HORMAD2: variants seen among roughly 807,000 people sequenced by gnomAD.
HORMAD2 encodes the protein HORMA domain-containing protein 2.
In HORMAD2, 45 loss-of-function variants were observed where a neutral mutation model predicts 38.8. The ratio of observed to expected loss-of-function variants is 1.16; its 90% confidence interval spans 0.91 to 1.49. The LOEUF (loss-of-function observed/expected upper bound fraction) is 1.49, where lower values mean the gene tolerates loss of function less well. HORMAD2 is among the 40% of genes most tolerant of loss of function. HORMAD2 has a pLI of 0.00. For missense variants in HORMAD2, 338 were observed against 367.0 expected (o/e 0.92, Z 0.65); for synonymous variants, 126 against 122.8 (o/e 1.03, Z -0.17).
Position 30,122,171 on chromosome 22 carries a change from A to G in HORMAD2, c.776A>G (p.His259Arg), listed in dbSNP as rs1264631374. The change falls in exon 10 of 11, where the codon CAT becomes CGT. Residue 259 changes from histidine to arginine, a missense_variant. Physicochemically the swap from His to Arg is conservative, Grantham distance 29 (BLOSUM62 0). Transcript: ENST00000336726. ...GAGAACAGCACTACTGAGATCGCCCATCAGGGTCTAGACTGTGATGAGGAA... is the reference window on the plus strand; with the variant it reads ...GAGAACAGCACTACTGAGATCGCCCGTCAGGGTCTAGACTGTGATGAGGAA... ...FRENSTTEIA[H>R]QGLDCDEEEE... 3 of 1,613,428 alleles carry G rather than the reference A, an allele frequency of 1.9e-6. No homozygotes were observed. Among genetic ancestry groups the G allele is most frequent in the Non-Finnish European group, 2.5e-6 (3 of 1,179,708 alleles).
chr22:30,196,842 T>G, the HORMAD2 span, among the ~76,000 whole-genome samples: 1 of 152,168 alleles, frequency 6.6e-6, no homozygotes, highest in Non-Finnish European at 1.5e-5. Context: ...TGACATGAAA[T>G]TGCTCACCCT....
chr22:30,192,737 T>A, the HORMAD2 span, among the ~76,000 whole-genome samples: 1 of 152,194 alleles, frequency 6.6e-6, no homozygotes, highest in South Asian at 2.1e-4. Flanking sequence ...AACTCAACTG[T>A]GTTGAGTTCC....
At chr22:30,199,780 A>G in the HORMAD2 span, among the ~76,000 whole-genome samples, 1 of 145,446 alleles carries the variant, frequency 6.9e-6, no homozygotes, top group African/African-American at 2.6e-5. Flanking sequence ...TCCCATCACC[A>G]TTGTTTTCCA....
intron 5 of HORMAD2, among the ~76,000 whole-genome samples, chr22:30,106,724 A>T (rs1921227736): frequency 6.6e-6 from 1 of 152,202 alleles, no homozygotes; most frequent in Non-Finnish European, 1.5e-5. Flanking sequence ...CACCTGTGTG[A>T]CCTTTGGCAC....
the HORMAD2 span, among the ~76,000 whole-genome samples, chr22:30,204,503 C>T: frequency 6.6e-6 from 1 of 152,180 alleles, no homozygotes; most frequent in African/African-American, 2.4e-5. Flanking sequence ...CCCTGGCCAC[C>T]ATTCTCCAGG....
intron 8 of HORMAD2, 74 bp downstream of exon 8, chr22:30,119,121 A>G: frequency 1.0e-6 from 1 of 1,000,322 alleles, no homozygotes; most frequent in Non-Finnish European, 1.5e-6. Flanking sequence ...GAGGCCAGAG[A>G]AAGGCCTTAT....
chr22:30,104,375 G>T, intron 4 of HORMAD2, 26 bp from the exon 5 acceptor site: 2 of 1,598,976 alleles, frequency 1.3e-6, no homozygotes, highest in South Asian at 1.1e-5. Flanking sequence ...TGGTCCAATT[G>T]ACATCAAACA....
At chr22:30,192,322 G>A in the HORMAD2 span, 5 of 152,450 alleles carry the variant, frequency 3.3e-5, no homozygotes, top group African/African-American at 1.2e-4. Context: ...AAGTTTCAAG[G>A]AGGGAGTGAA....
chr22:30,114,203 T>C (rs1921872059), intron 7 of HORMAD2, among the ~76,000 whole-genome samples: 1 of 152,212 alleles, frequency 6.6e-6, no homozygotes, highest in African/African-American at 2.4e-5. Flanking sequence ...TGAGCTATCA[T>C]TTATGACCCA....
chr22:30,151,539 T>C (rs1405466778), intron 10 of HORMAD2, among the ~76,000 whole-genome samples: 1 of 152,186 alleles, frequency 6.6e-6, no homozygotes, highest in African/African-American at 2.4e-5. Flanking sequence ...ATAAAAATAC[T>C]ATAAAACTAT....
At chr22:30,169,867 C>A (rs1926004314) in intron 10 of HORMAD2, among the ~76,000 whole-genome samples, 3 of 152,324 alleles carry the variant, frequency 2.0e-5, no homozygotes, top group African/African-American at 7.2e-5. Flanking sequence ...CTTTCCTTTA[C>A]TGTACCAACA....
chr22:30,176,188 A>C lies in HORMAD2; in HGVS notation c.*21A>C. The C allele has an allele frequency of 7.1e-7, 1 of 1,406,956 alleles. No homozygotes were observed. The highest frequency in any genetic ancestry group is 1.0e-6 in the Non-Finnish European group (1 of 998,042). The allele number at this position is 1,406,956 out of a possible 1,614,324, so 87.2% of individuals were successfully genotyped here. On this transcript the variant is annotated 3_prime_UTR_variant, in exon 11 of 11. Coordinates refer to ENST00000336726, the MANE Select transcript of HORMAD2 (RefSeq NM_152510.4). ...AATGAAAGCTAAATATTCCTTCTAC[A>C]TTTATTTTAAAATAAGTTTATTTTG...
At chr22:30,164,667 T>G (rs1374715680) in intron 10 of HORMAD2, among the ~76,000 whole-genome samples, 2 of 152,162 alleles carry the variant, frequency 1.3e-5, no homozygotes, top group East Asian at 3.9e-4. Context: ...TTTTGCTGGT[T>G]TGTATTTTAA....
chr22:30,096,086 G>A (rs934783723), intron 2 of HORMAD2, among the ~76,000 whole-genome samples: 1 of 152,140 alleles, frequency 6.6e-6, no homozygotes, highest in Non-Finnish European at 1.5e-5. Context: ...TTGTGTGTGA[G>A]AGTCATCTAT....
intron 10 of HORMAD2, among the ~76,000 whole-genome samples, chr22:30,122,693 G>T (rs1223543349): frequency 6.6e-6 from 1 of 152,116 alleles, no homozygotes; most frequent in African/African-American, 2.4e-5. Flanking sequence ...GACAAGCTTT[G>T]GGGCTAACTC....
intron 10 of HORMAD2, among the ~76,000 whole-genome samples, chr22:30,128,575 C>G (rs1923041190): frequency 6.6e-6 from 1 of 152,112 alleles, no homozygotes; most frequent in Non-Finnish European, 1.5e-5. Context: ...AAAAATTTTT[C>G]TACGAATATA....
chr22:30,117,423 T>TTTTA (rs1423994126), intron 7 of HORMAD2, among the ~76,000 whole-genome samples: 1 of 151,848 alleles, frequency 6.6e-6, no homozygotes. Flanking sequence ...TAGATGTTTA[T>TTTTA]TTTATTTATT....
chr22:30,182,587 C>T, the HORMAD2 span, among the ~76,000 whole-genome samples: 1 of 152,052 alleles, frequency 6.6e-6, no homozygotes, highest in Non-Finnish European at 1.5e-5. Context: ...CTGTGGACAC[C>T]CTAACCCTGC....
chr22:30,177,715 C>CTTTTTT (rs59806772), downstream of HORMAD2, among the ~76,000 whole-genome samples: 1 of 94,874 alleles, frequency 1.1e-5, no homozygotes, highest in Non-Finnish European at 2.0e-5. Flanking sequence ...TAAGGAGGAG[C>CTTTTTT]TTTTTTTTTT....
Sources: gnomAD v4.1 joint callset for allele counts (sites outside exome capture counted in the v4.1 genomes callset) on GRCh38, gnomAD v4.1.1 for gene constraint, MANE v1.5 for transcripts, NCBI Gene and HGNC (gene_info 2026-07-23, HGNC 2026-07-21) for gene names.